Variants in REV3L observed in about 807,000 individuals in gnomAD.
REV3L encodes DNA polymerase zeta catalytic subunit.
Under a neutral mutation model 299.4 loss-of-function variants are expected in REV3L, and 69 were observed. The ratio of observed to expected loss-of-function variants is 0.23; its 90% CI spans 0.19 to 0.28. The LOEUF (loss-of-function observed/expected upper bound fraction) is 0.28, where lower values mean the gene tolerates loss of function less well. Ranked by LOEUF, REV3L falls within the 10% of genes least tolerant of loss-of-function variation. The pLI is 1.00. For synonymous variants in REV3L, 1,238 were observed against 1,271.4 expected (o/e 0.97, Z 0.56); for missense variants, 3,128 against 3,693.8 (o/e 0.85, Z 3.97).
At chr6:111,458,858 CA>C (rs1790443499) in intron 1 of REV3L, among the ~76,000 whole-genome samples, 1 of 151,628 alleles carries the variant, frequency 6.6e-6, no homozygotes, top group Non-Finnish European at 1.5e-5. Context: ...CCATACTGCC[CA>C]AAGTAATTTG....
rs34268149 is a variant in REV3L at position 111,375,271 on chromosome 6, G to A, written c.3084C>T (p.Pro1028=). 4.1e-4 allele frequency: 656 copies of A among 1,607,230 alleles called. No individual in the cohort carries two copies. The highest frequency in any genetic ancestry group is 5.2e-4 in the Non-Finnish European group (610 of 1,178,668). ...APLKDFWPKV[P]DSPATKYPIY... Reference sequence around the variant, plus strand: ...TGGGATATTTGGTTGCAGGGGAGTCGGGAACTTTTGGCCAAAAGTCCTTCA... The same window carrying A: ...TGGGATATTTGGTTGCAGGGGAGTCAGGAACTTTTGGCCAAAAGTCCTTCA... Residue 1028 remains proline, a synonymous_variant, in exon 13 of 32, where the codon CCC becomes CCT. Transcript: ENST00000368802.
rs1424750469 is a variant in REV3L, at chr6:111,299,406, A to T, written c.*610T>A. 2 of 13,924 alleles carry T rather than the reference A, an allele frequency of 1.4e-4. No individual in the cohort carries two copies. Among genetic ancestry groups the T allele is most frequent in the Non-Finnish European group, 4.5e-4 (1 of 2,246 alleles). The allele number at this position is 13,924 out of a possible 1,614,324, so 0.9% of individuals were successfully genotyped here. A position where few individuals can be genotyped will look rare whatever the true frequency, so the allele number is the denominator to read the frequency against. On this transcript the variant is annotated 3_prime_UTR_variant, in exon 32 of 32. Transcript: ENST00000368802. ...CTAAAGCAAGACAGCATTTTTTAAA[A>T]AAAAATAATGTTTCAAAATGCTACA...
At chr6:111,313,727 A>C (rs913855965) in intron 27 of REV3L, among the ~76,000 whole-genome samples, 4 of 152,182 alleles carry the variant, frequency 2.6e-5, no homozygotes, top group Non-Finnish European at 4.4e-5. Context: ...TTACTGAATA[A>C]AGTATAAACA....
rs1793960251 is a variant in REV3L at position 111,483,002 on chromosome 6, C to T, written c.-114G>A. ...GCCCCCTCCCCTTCTCGGCACGGCCCCCTCCCCTCACACAGAGGCACCTCG... is the reference window on the plus strand; with the variant it reads ...GCCCCCTCCCCTTCTCGGCACGGCCTCCTCCCCTCACACAGAGGCACCTCG... On this transcript the variant is annotated 5_prime_UTR_variant, in exon 1 of 32. Coordinates refer to ENST00000368802, the MANE Select transcript of REV3L (RefSeq NM_001372078.1). 1.6e-6 allele frequency: 2 copies of T among 1,276,874 alleles called. No homozygotes were observed. The highest frequency in any genetic ancestry group is 1.9e-5 in the South Asian group (1 of 51,776). 79.1% of individuals were successfully genotyped at this position (1,276,874 alleles called of 1,614,324 possible).
At chr6:111,319,714 G>A (rs1189406835) in intron 26 of REV3L, among the ~76,000 whole-genome samples, 1 of 152,068 alleles carries the variant, frequency 6.6e-6, no homozygotes, top group Non-Finnish European at 1.5e-5. Flanking sequence ...CCTTCATTTT[G>A]ATGATGAGGC....
At chr6:111,470,796 A>G (rs939139563) in intron 1 of REV3L, among the ~76,000 whole-genome samples, 1 of 152,176 alleles carries the variant, frequency 6.6e-6, no homozygotes, top group African/African-American at 2.4e-5. Flanking sequence ...CCTGGCCAAC[A>G]TGGTGAAATT....
intron 1 of REV3L, among the ~76,000 whole-genome samples, chr6:111,482,405 C>T (rs1270407392): frequency 6.6e-6 from 1 of 152,196 alleles, no homozygotes; most frequent in Non-Finnish European, 1.5e-5. Context: ...GGACATGGCG[C>T]GGCCACCTGG....
chr6:111,342,328 GT>G (rs1467552609), intron 21 of REV3L, among the ~76,000 whole-genome samples: 1 of 152,132 alleles, frequency 6.6e-6, no homozygotes, highest in African/African-American at 2.4e-5. Context: ...GCAGAGGTCT[GT>G]TGCCTCTGTG....
chr6:111,348,382 TTCATTGAAATTACTCTACTAA>T (rs1230151752), intron 20 of REV3L, among the ~76,000 whole-genome samples: 2 of 152,206 alleles, frequency 1.3e-5, no homozygotes, highest in African/African-American at 4.8e-5. Context: ...AATGGGATAG[TTCATTGAAATTACTCTACTAA>T]AAAATCCTTA....
At chr6:111,351,825 C>T (rs774800070) in intron 18 of REV3L, 34 bp from the exon 19 acceptor site, 1 of 1,376,494 alleles carries the variant, frequency 7.3e-7, no homozygotes, top group Admixed American at 1.7e-5. Flanking sequence ...TATATAAGTA[C>T]CATACATTTG....
intron 19 of REV3L, among the ~76,000 whole-genome samples, chr6:111,350,529 C>T (rs1777477755): frequency 6.6e-6 from 1 of 151,622 alleles, no homozygotes; most frequent in Non-Finnish European, 1.5e-5. Context: ...GACACACAAG[C>T]TACACAAAAA....
chr6:111,315,564 A>T, intron 26 of REV3L, 183 bp from the exon 27 acceptor site: 1 of 574,610 alleles, frequency 1.7e-6, no homozygotes, highest in Non-Finnish European at 3.1e-6. Flanking sequence ...ATGTACTTAT[A>T]TCTTGTTACA....
At chr6:111,397,913 G>A (rs936145900) in intron 4 of REV3L, among the ~76,000 whole-genome samples, 2 of 151,788 alleles carry the variant, frequency 1.3e-5, no homozygotes, top group South Asian at 4.2e-4. Context: ...TCAGGCTTAC[G>A]GTGCCCGGCT....
chr6:111,448,099 A>C (rs1451826717), intron 1 of REV3L, among the ~76,000 whole-genome samples: 1 of 152,170 alleles, frequency 6.6e-6, no homozygotes, highest in Non-Finnish European at 1.5e-5. Context: ...CATATAAATA[A>C]GCAATCCAAC....
At chr6:111,304,537 C>A (rs1386151388) in intron 31 of REV3L, among the ~76,000 whole-genome samples, 1 of 151,644 alleles carries the variant, frequency 6.6e-6, no homozygotes, top group Non-Finnish European at 1.5e-5. Flanking sequence ...TTTGAACGTT[C>A]TTGAAAAACA....
intron 1 of REV3L, among the ~76,000 whole-genome samples, chr6:111,452,732 T>C (rs186456530): frequency 1.3e-5 from 2 of 152,320 alleles, no homozygotes; most frequent in East Asian, 3.9e-4. Flanking sequence ...ATGATGGTTA[T>C]ATGACGGCAT....
chr6:111,375,716 G>T lies in REV3L; in HGVS notation c.2639C>A (p.Thr880Asn), dbSNP rs774757549. Residue 880 changes from threonine (T) to asparagine (N), a missense_variant, in exon 13 of 32, where the codon ACC (threonine) becomes AAC (asparagine). Transcript: ENST00000368802. Reference sequence around the variant, plus strand: ...TTTATTTTCAAAAGCTCCACGAGTGGTTTTAGTTAAATCACTAGCCAATGC... The same window carrying T: ...TTTATTTTCAAAAGCTCCACGAGTGTTTTTAGTTAAATCACTAGCCAATGC... ...DNALASDLTK[T>N]TRGAFENKTP... 8 of 1,613,676 alleles carry T rather than the reference G, an allele frequency of 5.0e-6. 1 individual carries two copies. The African/African-American group carries it at 1.1e-4, about 22-fold the overall frequency.
At position 111,375,339 on chromosome 6, in the gene REV3L, A is replaced by G. The variant is rs1780192496; in HGVS notation, c.3016T>C (p.Leu1006=). 6.3e-7 allele frequency: 1 copy of G among 1,582,640 alleles called. No homozygotes were observed. The highest frequency in any genetic ancestry group is 1.2e-5 in the South Asian group (1 of 83,824). Residue 1006 remains leucine, a synonymous_variant, in exon 13 of 32, where the codon TTA becomes CTA. Coordinates refer to ENST00000368802, the MANE Select transcript of REV3L (RefSeq NM_001372078.1). ...TATAGTTCCATTTTTTCTTCTGTTA[A>G]TATTACTTGTTTTTCTTTAGAGTCT... ...KIDSKEKQVI[L]TEEKMELYKK... is the part of the protein sequence containing the mutation.
intron 31 of REV3L, among the ~76,000 whole-genome samples, chr6:111,303,326 C>A (rs1771826671): frequency 6.6e-6 from 1 of 150,464 alleles, no homozygotes; most frequent in Admixed American, 6.6e-5. Flanking sequence ...TGCCCGCCAC[C>A]ATGCCTGGCT....
Sources: gnomAD v4.1 joint callset for allele counts (sites outside exome capture counted in the v4.1 genomes callset) on GRCh38, gnomAD v4.1.1 for gene constraint, MANE v1.5 for transcripts, NCBI Gene and HGNC (gene_info 2026-07-23, HGNC 2026-07-21) for gene names.